Variants in PPA2 observed in about 807,000 individuals in gnomAD.
PPA2 encodes the protein inorganic pyrophosphatase 2, also known as inorganic pyrophosphatase 2, mitochondrial.
PPA2 carries 48 observed loss-of-function variants against 49.5 expected under a neutral mutation model. The ratio of observed to expected loss-of-function variants is 0.97; its 90% CI spans 0.77 to 1.23. The LOEUF (loss-of-function observed/expected upper bound fraction) is 1.23. Ranked by LOEUF, PPA2 falls within the 50% of genes most tolerant of loss-of-function variation. The pLI is 0.00. For synonymous variants in PPA2, 131 were observed against 139.9 expected (o/e 0.94, Z 0.45); for missense variants, 429 against 410.1 (o/e 1.05, Z -0.40).
intron 7 of PPA2, among the ~76,000 whole-genome samples, chr4:105,407,917 A>G (rs1051949989): frequency 2.0e-5 from 3 of 152,176 alleles, no homozygotes; most frequent in African/African-American, 7.2e-5. Context: ...TGAATGTGAT[A>G]GTTGCTAGAA....
At chr4:105,402,843 G>T (rs755672646) in intron 7 of PPA2, among the ~76,000 whole-genome samples, 6 of 152,104 alleles carry the variant, frequency 3.9e-5, no homozygotes, top group Non-Finnish European at 5.9e-5. Flanking sequence ...TGGAGGTAGT[G>T]ATAAATGGTA....
intron 10 of PPA2, among the ~76,000 whole-genome samples, chr4:105,383,844 T>A (rs1733586197): frequency 6.6e-6 from 1 of 152,026 alleles, no homozygotes; most frequent in African/African-American, 2.4e-5. Context: ...ACGGTCTGAA[T>A]CTGATCAAGT....
chr4:105,411,750 T>A (rs978103895), intron 7 of PPA2, among the ~76,000 whole-genome samples: 2 of 152,208 alleles, frequency 1.3e-5, no homozygotes, highest in South Asian at 4.1e-4. Flanking sequence ...AGTCTCAGGA[T>A]ACAAAATCAA....
At chr4:105,444,586 T>A (rs566762655) in intron 5 of PPA2, among the ~76,000 whole-genome samples, 1 of 152,180 alleles carries the variant, frequency 6.6e-6, no homozygotes, top group African/African-American at 2.4e-5. Context: ...TCCAGACACA[T>A]CCAGAGGAGC....
At chr4:105,408,495 T>C (rs752369062) in intron 7 of PPA2, among the ~76,000 whole-genome samples, 3 of 152,144 alleles carry the variant, frequency 2.0e-5, no homozygotes, top group African/African-American at 7.2e-5. Context: ...AATGTTAACA[T>C]TGATTCAATG....
chr4:105,374,969 GGTGT>G (rs1733186976), intron 10 of PPA2, among the ~76,000 whole-genome samples: 1 of 151,548 alleles, frequency 6.6e-6, no homozygotes, highest in Non-Finnish European at 1.5e-5. Context: ...TGGGATTACA[GGTGT>G]GAGCCACTGT....
intron 6 of PPA2, among the ~76,000 whole-genome samples, chr4:105,425,308 C>A (rs901290391): frequency 1.3e-5 from 2 of 151,934 alleles, no homozygotes; most frequent in Non-Finnish European, 2.9e-5. Context: ...AACCTCAAAA[C>A]AACTACTGTA....
intron 1 of PPA2, among the ~76,000 whole-genome samples, chr4:105,457,051 A>AG (rs1217302650): frequency 1.1e-4 from 16 of 152,198 alleles, no homozygotes; most frequent in African/African-American, 3.4e-4. Context: ...TTAAAAAAAA[A>AG]AACATCACTT....
intron 9 of PPA2, among the ~76,000 whole-genome samples, chr4:105,390,993 T>C (rs1403338600): frequency 6.6e-6 from 1 of 151,492 alleles, no homozygotes; most frequent in East Asian, 2.0e-4. Context: ...CATCATAGGA[T>C]ACTACGTAGC....
intron 6 of PPA2, among the ~76,000 whole-genome samples, chr4:105,429,668 G>A (rs1344989159): frequency 6.6e-6 from 1 of 152,040 alleles, no homozygotes; most frequent in Admixed American, 6.5e-5. Flanking sequence ...TATCTACTAG[G>A]CCTAGACACT....
At chr4:105,391,888 A>G (rs1335606896) in intron 9 of PPA2, among the ~76,000 whole-genome samples, 1 of 137,504 alleles carries the variant, frequency 7.3e-6, no homozygotes, top group Admixed American at 7.0e-5. Flanking sequence ...AAAAAAGAGT[A>G]TGAGTAAAGA....
At chr4:105,398,829 A>AAT in intron 8 of PPA2, 2 of 433,870 alleles carry the variant, frequency 4.6e-6, no homozygotes, top group Non-Finnish European at 3.9e-6. Flanking sequence ...CATAGATGGA[A>AAT]ATATATATTT....
chr4:105,397,329 A>G (rs1294728214), intron 8 of PPA2, among the ~76,000 whole-genome samples: 2 of 152,190 alleles, frequency 1.3e-5, no homozygotes, highest in Non-Finnish European at 2.9e-5. Flanking sequence ...TTAATGAGAT[A>G]GTGTTGGGCG....
chr4:105,434,583 G>A (rs1723960012), intron 6 of PPA2, among the ~76,000 whole-genome samples: 1 of 152,156 alleles, frequency 6.6e-6, no homozygotes. Context: ...AAGAAATCCT[G>A]TAGATGACTC....
chr4:105,392,130 T>A (rs1333469072), intron 9 of PPA2, among the ~76,000 whole-genome samples: 3 of 152,114 alleles, frequency 2.0e-5, no homozygotes, highest in Non-Finnish European at 2.9e-5. Context: ...AAGAGTAAAC[T>A]CAAATGTCAA....
chr4:105,449,119 A>C (rs1578872936), intron 4 of PPA2, among the ~76,000 whole-genome samples: 1 of 135,088 alleles, frequency 7.4e-6, no homozygotes, highest in East Asian at 2.1e-4. Flanking sequence ...TGGGAGGCTG[A>C]GGCAGGAGAA....
chr4:105,447,331 C>T (rs1399140377), intron 4 of PPA2, among the ~76,000 whole-genome samples: 1 of 152,006 alleles, frequency 6.6e-6, no homozygotes, highest in Non-Finnish European at 1.5e-5. Context: ...TATGTGGAAT[C>T]TAAAAAATTG....
intron 1 of PPA2, among the ~76,000 whole-genome samples, chr4:105,467,030 T>C (rs889785899): frequency 2.6e-5 from 4 of 152,182 alleles, no homozygotes; most frequent in African/African-American, 9.6e-5. Flanking sequence ...TTCTGTTTAT[T>C]TGGAGACTGC....
intron 7 of PPA2, among the ~76,000 whole-genome samples, chr4:105,408,872 T>C (rs1002099626): frequency 6.6e-6 from 1 of 152,200 alleles, no homozygotes; most frequent in Non-Finnish European, 1.5e-5. Flanking sequence ...GTTTTAAAGA[T>C]ACCAAAAATC....
Sources: gnomAD v4.1 joint callset for allele counts (sites outside exome capture counted in the v4.1 genomes callset) on GRCh38, gnomAD v4.1.1 for gene constraint, MANE v1.5 for transcripts, NCBI Gene and HGNC (gene_info 2026-07-23, HGNC 2026-07-21) for gene names.